Variants in NBEA observed in about 807,000 individuals in gnomAD.
The protein encoded by NBEA is lysosomal-trafficking regulator 2.
NBEA carries 44 observed loss-of-function variants against 343.4 expected under a neutral mutation model. That is an observed-to-expected ratio of 0.13 (90% CI 0.10 to 0.16). NBEA has a LOEUF of 0.16. NBEA is among the 10% of genes least tolerant of loss of function. The pLI is 1.00. For missense variants in NBEA, 2,555 were observed against 3,631.3 expected (o/e 0.70, Z 7.62); for synonymous variants, 1,175 against 1,238.7 (o/e 0.95, Z 1.08).
At chr13:35,323,665 GTAAC>G (rs2038339907) in intron 36 of NBEA, among the ~76,000 whole-genome samples, 1 of 151,680 alleles carries the variant, frequency 6.6e-6, no homozygotes, top group African/African-American at 2.4e-5. Context: ...GTATACATAT[GTAAC>G]TAACCTGCAC....
rs192416565 is a variant in NBEA, at chr13:35,397,642, G to T, written c.6180-34627G>T. On this transcript the variant is annotated intron_variant, in intron 38 of 58. Transcript: ENST00000379939. ...ATACATCAGAGATACTGTGGGTTCA[G>T]TTCCAGACCACTACAATACAGTGAA... 4.9e-3 allele frequency among the ~76,000 whole-genome samples: 740 copies of T among 152,246 alleles called. 3 individuals carry two copies. Among genetic ancestry groups the T allele is most frequent in the Non-Finnish European group, 7.9e-3 (534 of 68,008 alleles).
rs2033206083 is a variant in NBEA at position 35,261,432 on chromosome 13, AC to A, written c.5776+28815del. Reference sequence around the variant, plus strand: ...ATGCTGAGGCAGGAGAATCACTGGAACCTGGGAGGTGGAGGTTGCAGTGAGC... The same window carrying A: ...ATGCTGAGGCAGGAGAATCACTGGAACTGGGAGGTGGAGGTTGCAGTGAGC... On this transcript the variant is annotated intron_variant, in intron 34 of 58. Transcript: ENST00000379939. Among the ~76,000 whole-genome samples, 7 of 152,184 alleles carry A rather than the reference AC, an allele frequency of 4.6e-5. No individual in the cohort carries two copies. In the South Asian group the frequency reaches 1.5e-3, roughly 32 times the overall value.
chr13:35,555,238 A>AT (rs1432736534), intron 44 of NBEA, 136 bp downstream of exon 44: 1 of 513,442 alleles, frequency 1.9e-6, no homozygotes, highest in African/African-American at 2.0e-5. Flanking sequence ...CTCACATTAA[A>AT]TTTTATCAGA....
intron 36 of NBEA, among the ~76,000 whole-genome samples, chr13:35,341,671 T>A (rs1029190670): frequency 2.6e-5 from 4 of 151,954 alleles, no homozygotes; most frequent in African/African-American, 9.7e-5. Context: ...AAAACCACAG[T>A]AAGATACCAC....
chr13:35,404,688 G>T (rs1427215059), intron 38 of NBEA, among the ~76,000 whole-genome samples: 2 of 150,238 alleles, frequency 1.3e-5, no homozygotes, highest in South Asian at 2.1e-4. Flanking sequence ...CACCAGCATG[G>T]CACATGTATA....
At chr13:35,131,078 T>A (rs2067398204) in intron 17 of NBEA, among the ~76,000 whole-genome samples, 1 of 152,220 alleles carries the variant, frequency 6.6e-6, no homozygotes, top group South Asian at 2.1e-4. Flanking sequence ...CCTCATTAAT[T>A]GTCAGCCTAA....
At chr13:35,431,938 A>G (rs574409123) in intron 38 of NBEA, among the ~76,000 whole-genome samples, 1 of 152,278 alleles carries the variant, frequency 6.6e-6, no homozygotes, top group East Asian at 1.9e-4. Flanking sequence ...TACCATTACT[A>G]CGGTGTAATT....
In NBEA at chr13:35,203,598, C is replaced by T. The variant is rs573343841; in HGVS notation, c.5367-5102C>T. 2.0e-4 allele frequency among the ~76,000 whole-genome samples: 30 copies of T among 152,238 alleles called. No individual in the cohort carries two copies. In the South Asian group the frequency reaches 2.5e-3, roughly 13 times the overall value. On this transcript the variant is annotated intron_variant, in intron 31 of 58. Coordinates refer to ENST00000379939, the MANE Select transcript of NBEA (RefSeq NM_001385012.1). Reference sequence around the variant, plus strand: ...TATATTGCTATATCTCCAGAACTTACGTCAGTTCCACACACATTGCAATGC... The same window carrying T: ...TATATTGCTATATCTCCAGAACTTATGTCAGTTCCACACACATTGCAATGC...
intron 35 of NBEA, among the ~76,000 whole-genome samples, chr13:35,303,447 A>G (rs1346913272): frequency 1.3e-5 from 2 of 152,214 alleles, no homozygotes; most frequent in Non-Finnish European, 2.9e-5. Flanking sequence ...ATTTAAAACC[A>G]CATATATCTT....
At chr13:35,427,798 C>T (rs150948726) in intron 38 of NBEA, among the ~76,000 whole-genome samples, 63 of 152,310 alleles carry the variant, frequency 4.1e-4, no homozygotes, top group African/African-American at 1.5e-3. Flanking sequence ...TGAGCTTCCC[C>T]GCTGCTTTGT....
At chr13:35,588,473 T>C (rs1300057845) in intron 46 of NBEA, among the ~76,000 whole-genome samples, 1 of 152,184 alleles carries the variant, frequency 6.6e-6, no homozygotes, top group African/African-American at 2.4e-5. Flanking sequence ...GTCATTAAAC[T>C]TGTTATTTGT....
At chr13:35,331,351 G>C (rs182566868) in intron 36 of NBEA, among the ~76,000 whole-genome samples, 171 of 152,048 alleles carry the variant, frequency 1.1e-3, no homozygotes, top group African/African-American at 3.9e-3. Context: ...CCCCTAGTTT[G>C]TAGGAGATCT....
chr13:35,114,158 C>T (rs543455482), intron 13 of NBEA, among the ~76,000 whole-genome samples: 6 of 152,176 alleles, frequency 3.9e-5, no homozygotes, highest in South Asian at 2.1e-4. Flanking sequence ...ATTGCTTCTA[C>T]GTACTTTTAG....
intron 38 of NBEA, among the ~76,000 whole-genome samples, chr13:35,371,195 A>G (rs1016864853): frequency 6.6e-6 from 1 of 152,028 alleles, no homozygotes; most frequent in African/African-American, 2.4e-5. Flanking sequence ...TTATTTTCTT[A>G]AATAGGTTTT....
rs1238970781 is a variant in NBEA, at chr13:35,043,105, G to A, written c.527-1842G>A. Reference sequence around the variant, plus strand: ...AAATTAAACTGAGCTGCTTGGTTGTGTTACATATACAATATATAAGTAATT... The same window carrying A: ...AAATTAAACTGAGCTGCTTGGTTGTATTACATATACAATATATAAGTAATT... On this transcript the variant is annotated intron_variant, in intron 2 of 58. Transcript: ENST00000379939. Among the ~76,000 whole-genome samples the A allele has an allele frequency of 2.6e-5, 4 of 151,742 alleles. No homozygotes were observed. In the South Asian group the frequency reaches 6.2e-4, roughly 24 times the overall value.
intron 49 of NBEA, among the ~76,000 whole-genome samples, chr13:35,643,842 G>C (rs887097360): frequency 2.0e-5 from 3 of 152,126 alleles, no homozygotes; most frequent in African/African-American, 7.2e-5. Flanking sequence ...AATGAGTTCT[G>C]CGTGTCACCA....
intron 45 of NBEA, among the ~76,000 whole-genome samples, chr13:35,571,400 A>G (rs2080412743): frequency 6.6e-6 from 1 of 152,204 alleles, no homozygotes; most frequent in Non-Finnish European, 1.5e-5. Context: ...CATGAAAAGA[A>G]TGTAGGCTTC....
At chr13:35,385,608 C>T (rs554137850) in intron 38 of NBEA, among the ~76,000 whole-genome samples, 181 of 152,174 alleles carry the variant, frequency 1.2e-3, no homozygotes, top group African/African-American at 3.7e-3. Context: ...GAGGCTGATG[C>T]AGGAGACTTG....
intron 43 of NBEA, among the ~76,000 whole-genome samples, chr13:35,552,022 A>T (rs2079351765): frequency 6.6e-6 from 1 of 152,200 alleles, no homozygotes. Flanking sequence ...GATACCTCTG[A>T]TTCTTTGCCA....
Sources: gnomAD v4.1 joint callset for allele counts (sites outside exome capture counted in the v4.1 genomes callset) on GRCh38, gnomAD v4.1.1 for gene constraint, MANE v1.5 for transcripts, NCBI Gene and HGNC (gene_info 2026-07-23, HGNC 2026-07-21) for gene names.